REDIC1: variants seen among roughly 807,000 people sequenced by gnomAD.
The protein encoded by REDIC1 is HEI10 Interacting Protein 1.
At chr12:39,889,756 T>A in the REDIC1 span, among the ~76,000 whole-genome samples, 1 of 152,038 alleles carries the variant, frequency 6.6e-6, no homozygotes, top group African/African-American at 2.4e-5. Flanking sequence ...GGTCTTGATT[T>A]CTTGACCTCG....
At chr12:39,829,794 C>T in the REDIC1 span, 2 of 329,120 alleles carry the variant, frequency 6.1e-6, no homozygotes, top group South Asian at 3.4e-5. Context: ...TGCAATTAAA[C>T]AATATGCAGT....
chr12:39,715,952 C>A, the REDIC1 span, among the ~76,000 whole-genome samples: 5 of 151,882 alleles, frequency 3.3e-5, no homozygotes, highest in African/African-American at 9.7e-5. Context: ...TATAAATTTC[C>A]TTCTAGAATG....
the REDIC1 span, among the ~76,000 whole-genome samples, chr12:39,703,773 C>T: frequency 2.0e-5 from 3 of 152,066 alleles, no homozygotes; most frequent in South Asian, 6.2e-4. Context: ...AGTAATAACG[C>T]CACATATCTA....
At chr12:39,708,133 A>C in the REDIC1 span, among the ~76,000 whole-genome samples, 1 of 151,788 alleles carries the variant, frequency 6.6e-6, no homozygotes, top group Non-Finnish European at 1.5e-5. Flanking sequence ...ATAAAAATTG[A>C]ATTGTACATT....
chr12:39,717,036 G>T, the REDIC1 span, among the ~76,000 whole-genome samples: 1 of 151,498 alleles, frequency 6.6e-6, no homozygotes, highest in South Asian at 2.1e-4. Flanking sequence ...AAATGTCCAT[G>T]AGTACCATTT....
the REDIC1 span, chr12:39,683,376 G>T: frequency 7.0e-7 from 1 of 1,427,324 alleles, no homozygotes; most frequent in Admixed American, 1.7e-5. Flanking sequence ...AATAGACTAT[G>T]CTAAATTTTT....
the REDIC1 span, chr12:39,684,983 A>C: frequency 2.9e-5 from 35 of 1,211,138 alleles, no homozygotes; most frequent in Non-Finnish European, 4.0e-5. Context: ...TTACCATATC[A>C]CATTACTGTA....
the REDIC1 span, among the ~76,000 whole-genome samples, chr12:39,862,965 A>G: frequency 6.6e-6 from 1 of 152,178 alleles, no homozygotes; most frequent in Admixed American, 6.6e-5. Context: ...AAAACCCAGT[A>G]AGCGGACTGC....
At chr12:39,737,372 C>G in the REDIC1 span, among the ~76,000 whole-genome samples, 1 of 152,212 alleles carries the variant, frequency 6.6e-6, no homozygotes, top group African/African-American at 2.4e-5. Context: ...CACTTCTACT[C>G]CTTAACCTAA....
At chr12:39,839,898 C>A in the REDIC1 span, among the ~76,000 whole-genome samples, 2 of 152,106 alleles carry the variant, frequency 1.3e-5, no homozygotes, top group African/African-American at 4.8e-5. Flanking sequence ...TCTTGCCAAA[C>A]CTATTGTTCC....
At chr12:39,675,929 G>A in the REDIC1 span, among the ~76,000 whole-genome samples, 5 of 152,158 alleles carry the variant, frequency 3.3e-5, no homozygotes, top group African/African-American at 1.2e-4. Flanking sequence ...TCACCCTGTG[G>A]GACAAAAGAA....
At chr12:39,682,394 C>T in the REDIC1 span, among the ~76,000 whole-genome samples, 2 of 151,870 alleles carry the variant, frequency 1.3e-5, no homozygotes, top group Admixed American at 6.6e-5. Context: ...AAAAAACTGG[C>T]CGTAGATTAT....
the REDIC1 span, among the ~76,000 whole-genome samples, chr12:39,805,513 GGT>G: frequency 2.8e-4 from 3 of 10,844 alleles, no homozygotes. Context: ...TGCCTCTGTT[GGT>G]TTTTTTTTTT....
chr12:39,785,235 T>TC, the REDIC1 span, among the ~76,000 whole-genome samples: 1 of 151,738 alleles, frequency 6.6e-6, no homozygotes, highest in Non-Finnish European at 1.5e-5. Context: ...AGGCCTGGGG[T>TC]CCCCATGCTG....
the REDIC1 span, among the ~76,000 whole-genome samples, chr12:39,862,110 A>C: frequency 2.0e-5 from 3 of 152,146 alleles, no homozygotes; most frequent in African/African-American, 7.2e-5. Context: ...GTTCTGAAAG[A>C]CATTCTTTAA....
chr12:39,796,392 T>A, the REDIC1 span, among the ~76,000 whole-genome samples: 2 of 129,172 alleles, frequency 1.5e-5, no homozygotes, highest in South Asian at 2.4e-4. Flanking sequence ...GAGTTTGAGA[T>A]CACCCTGGCC....
chr12:39,789,921 T>C, the REDIC1 span, among the ~76,000 whole-genome samples: 1,123 of 152,222 alleles, frequency 7.4e-3, 14 homozygotes, highest in African/African-American at 0.026. Context: ...CGTCCAGATA[T>C]ATTATAAATC....
the REDIC1 span, among the ~76,000 whole-genome samples, chr12:39,834,718 G>C: frequency 6.6e-6 from 1 of 151,966 alleles, no homozygotes; most frequent in African/African-American, 2.4e-5. Context: ...ATCTGCCTCT[G>C]TCTTCTGGAG....
At chr12:39,627,853 GAA>G in the REDIC1 span, among the ~76,000 whole-genome samples, 1 of 152,158 alleles carries the variant, frequency 6.6e-6, no homozygotes, top group Admixed American at 6.5e-5. Context: ...GAAGAACAAA[GAA>G]AAGGGTGGGG....
Sources: gnomAD v4.1 joint callset for allele counts (sites outside exome capture counted in the v4.1 genomes callset) on GRCh38, gnomAD v4.1.1 for gene constraint, MANE v1.5 for transcripts, NCBI Gene and HGNC (gene_info 2026-07-23, HGNC 2026-07-21) for gene names.